EYS: variants seen among roughly 807,000 people sequenced by gnomAD.
EYS encodes the protein EGF-like photoreceptor maintenance factor, also known as protein eyes shut homolog.
EYS carries 250 observed loss-of-function variants against 282.1 expected under a neutral mutation model. That is an observed-to-expected ratio of 0.89 (90% confidence interval 0.80 to 0.98). The LOEUF is 0.98. EYS is among the 50% of genes least tolerant of loss of function. The pLI, the probability that EYS is intolerant of heterozygous loss-of-function variation, is 0.00. For synonymous variants in EYS, 1,355 were observed against 1,282.9 expected (o/e 1.06, Z -1.20); for missense variants, 4,016 against 3,709.0 (o/e 1.08, Z -2.15).
At chr6:65,221,770 A>C (rs771228634) in intron 12 of EYS, among the ~76,000 whole-genome samples, 12 of 152,292 alleles carry the variant, frequency 7.9e-5, no homozygotes, top group Non-Finnish European at 1.2e-4. Context: ...AGAAAAGACA[A>C]GACACAAAAT....
intron 31 of EYS, among the ~76,000 whole-genome samples, chr6:64,145,363 T>C (rs1286712923): frequency 6.6e-6 from 1 of 152,176 alleles, no homozygotes; most frequent in African/African-American, 2.4e-5. Flanking sequence ...AAGCAACACT[T>C]TAATTGGACA....
intron 18 of EYS, among the ~76,000 whole-genome samples, chr6:64,900,338 A>G (rs949321392): frequency 6.6e-6 from 1 of 152,234 alleles, no homozygotes; most frequent in Non-Finnish European, 1.5e-5. Context: ...CTTCATGACT[A>G]AAACACCAAA....
At chr6:65,460,027 A>G (rs1582324773) in intron 5 of EYS, among the ~76,000 whole-genome samples, 1 of 135,620 alleles carries the variant, frequency 7.4e-6, no homozygotes, top group South Asian at 2.3e-4. Context: ...GTATGTATTA[A>G]TATAATATAT....
chr6:64,280,281 C>T (rs1768258987), intron 30 of EYS, among the ~76,000 whole-genome samples: 1 of 152,080 alleles, frequency 6.6e-6, no homozygotes, highest in Non-Finnish European at 1.5e-5. Context: ...TGAACAAATA[C>T]ACTGCTTTGG....
chr6:64,997,768 T>G, intron 13 of EYS, 65 bp from the exon 14 acceptor site: 1 of 1,418,358 alleles, frequency 7.1e-7, no homozygotes, highest in South Asian at 1.4e-5. Context: ...TAATTATAAT[T>G]AGTCTAAAAT....
intron 12 of EYS, among the ~76,000 whole-genome samples, chr6:65,286,878 C>G (rs1437600041): frequency 1.3e-5 from 2 of 151,466 alleles, no homozygotes; most frequent in Non-Finnish European, 3.0e-5. Context: ...TGTATTTGTT[C>G]ATTTGTATGG....
intron 12 of EYS, among the ~76,000 whole-genome samples, chr6:65,101,995 G>A (rs1774907601): frequency 6.6e-6 from 1 of 151,172 alleles, no homozygotes; most frequent in Non-Finnish European, 1.5e-5. Context: ...TTATCTAGGA[G>A]TATACCACAT....
intron 31 of EYS, among the ~76,000 whole-genome samples, chr6:64,171,455 T>G (rs1764477474): frequency 1.3e-5 from 2 of 152,138 alleles, no homozygotes; most frequent in Non-Finnish European, 2.9e-5. Context: ...TATAAATACA[T>G]TTCAATTATA....
intron 12 of EYS, among the ~76,000 whole-genome samples, chr6:65,270,096 G>A (rs1767858503): frequency 6.6e-6 from 1 of 152,042 alleles, no homozygotes; most frequent in African/African-American, 2.4e-5. Context: ...TCATCCTGAG[G>A]CAAAATTCCT....
chr6:65,473,624 C>G (rs994677158), intron 5 of EYS, among the ~76,000 whole-genome samples: 1 of 151,798 alleles, frequency 6.6e-6, no homozygotes. Flanking sequence ...ATTTTAGATA[C>G]AAGATCTAAC....
rs149220563 is a variant in EYS, at chr6:65,285,783, T to A, written c.2023+10080A>T. 5.0e-3 allele frequency among the ~76,000 whole-genome samples: 762 copies of A among 152,088 alleles called. 7 individuals are homozygous for A. Among genetic ancestry groups the A allele is most frequent in the African/African-American group, 0.017 (718 of 41,556 alleles). On this transcript the variant is annotated intron_variant, in intron 12 of 42. Coordinates refer to ENST00000503581, the MANE Select transcript of EYS (RefSeq NM_001142800.2). ...TCACATTGAATTATAAATGCAGAGC[T>A]AACCTGGTATCTGTTAGAAAGAGAA...
intron 10 of EYS, 67 bp downstream of exon 10, chr6:65,343,971 T>C: frequency 7.3e-7 from 1 of 1,363,086 alleles, no homozygotes; most frequent in African/African-American, 1.4e-5. Context: ...CATTTCTAAC[T>C]TTCTAAAAAT....
At chr6:63,955,759 C>A (rs934889406) in intron 35 of EYS, among the ~76,000 whole-genome samples, 1 of 152,144 alleles carries the variant, frequency 6.6e-6, no homozygotes, top group Admixed American at 6.5e-5. Flanking sequence ...AACTCACCAA[C>A]CAAACAAGTA....
At chr6:64,531,910 C>A (rs1286719721) in intron 26 of EYS, among the ~76,000 whole-genome samples, 1 of 152,072 alleles carries the variant, frequency 6.6e-6, no homozygotes, top group African/African-American at 2.4e-5. Context: ...GGGAGTCACA[C>A]CAGTGGGTTG....
intron 30 of EYS, among the ~76,000 whole-genome samples, chr6:64,248,124 A>G (rs934776623): frequency 6.6e-6 from 1 of 151,936 alleles, no homozygotes; most frequent in Non-Finnish European, 1.5e-5. Context: ...TGTGTTTAAA[A>G]CCTAGAGGAA....
intron 26 of EYS, among the ~76,000 whole-genome samples, chr6:64,455,736 A>G (rs1036540301): frequency 2.6e-5 from 4 of 152,116 alleles, no homozygotes; most frequent in Non-Finnish European, 5.9e-5. Flanking sequence ...TATTTTACTG[A>G]GAATGATGGT....
chr6:65,363,820 C>A (rs1301721996), intron 8 of EYS, among the ~76,000 whole-genome samples: 1 of 151,394 alleles, frequency 6.6e-6, no homozygotes, highest in African/African-American at 2.4e-5. Context: ...CTAAATTTTC[C>A]CTCAAAATAC....
chr6:64,610,783 T>C (rs941842601), intron 24 of EYS, among the ~76,000 whole-genome samples: 1 of 152,340 alleles, frequency 6.6e-6, no homozygotes, highest in Non-Finnish European at 1.5e-5. Context: ...ATTCTACTTC[T>C]GAAAATATTA....
intron 33 of EYS, among the ~76,000 whole-genome samples, chr6:64,025,907 C>T (rs1011262014): frequency 2.6e-5 from 4 of 152,156 alleles, no homozygotes; most frequent in Admixed American, 2.6e-4. Context: ...AGGACTCTAA[C>T]AGGTTTTCGA....
Sources: allele counts gnomAD v4.1 joint callset (sites outside exome capture counted in the v4.1 genomes callset), GRCh38; gene constraint gnomAD v4.1.1; transcripts MANE v1.5; gene names NCBI Gene and HGNC (gene_info 2026-07-23, HGNC 2026-07-21).